WASHC5: variants seen among roughly 807,000 people sequenced by gnomAD.
WASHC5 encodes WASH complex subunit strumpellin.
Under a neutral mutation model 150.4 loss-of-function variants are expected in WASHC5, and 101 were observed. That is an observed-to-expected ratio of 0.67 (90% CI 0.57 to 0.79). WASHC5 has a LOEUF of 0.79. Among genes scored for constraint, WASHC5 ranks in the 30% least tolerant of loss-of-function variants. The probability of loss-of-function intolerance (pLI) is 0.00; values close to 1 mark genes in which losing one functional copy is unlikely to be tolerated. For missense variants in WASHC5, 1,195 were observed against 1,396.3 expected (o/e 0.86, Z 2.30); for synonymous variants, 467 against 491.2 (o/e 0.95, Z 0.65).
At chr8:125,072,836 G>T (rs919998212) in intron 9 of WASHC5, among the ~76,000 whole-genome samples, 4 of 152,078 alleles carry the variant, frequency 2.6e-5, no homozygotes, top group Non-Finnish European at 4.4e-5. Flanking sequence ...GCACTATTCT[G>T]CCTACCACAG....
rs1172804734 is a variant in WASHC5 at position 125,037,281 on chromosome 8, A to C, written c.3137T>G (p.Phe1046Cys). The change falls in exon 26 of 29, where the codon TTT becomes TGT. Residue 1046 changes from phenylalanine to cysteine, a missense_variant. Physicochemically the swap from Phe to Cys is radical, Grantham distance 205. Transcript: ENST00000318410. Reference sequence around the variant, plus strand: ...AAGTTTTGGCAACTGAGCGATCAAAAATAGAAAGTTTACAATTGGAAAATA... The same window carrying C: ...AAGTTTTGGCAACTGAGCGATCAAACATAGAAAGTTTACAATTGGAAAATA... ...LPYFPIVNFL[F>C]LIAQLPKLQY... 2 of 1,612,700 alleles carry C rather than the reference A, an allele frequency of 1.2e-6. No homozygotes were observed. Among genetic ancestry groups the C allele is most frequent in the Non-Finnish European group, 1.7e-6 (2 of 1,178,914 alleles).
chr8:125,057,394 G>A (rs981409976), intron 15 of WASHC5, among the ~76,000 whole-genome samples, 162 bp downstream of exon 15: 1 of 152,178 alleles, frequency 6.6e-6, no homozygotes, highest in Non-Finnish European at 1.5e-5. Flanking sequence ...ATCCACAGTA[G>A]CAATAAGGGT....
At chr8:125,056,413 T>C (rs1005193593) in intron 16 of WASHC5, among the ~76,000 whole-genome samples, 10 of 152,194 alleles carry the variant, frequency 6.6e-5, no homozygotes, top group Non-Finnish European at 4.4e-5. Context: ...TTAGCAAGAC[T>C]GTTATAGGAA....
chr8:125,056,892 C>T, intron 15 of WASHC5, 75 bp from the exon 16 acceptor site: 1 of 1,557,736 alleles, frequency 6.4e-7, no homozygotes, highest in Non-Finnish European at 8.9e-7. Context: ...ATTAGGATGC[C>T]TAATTTGTCT....
At chr8:125,044,425 G>A (rs1815994408) in intron 21 of WASHC5, 111 bp downstream of exon 21, 1 of 1,181,634 alleles carries the variant, frequency 8.5e-7, no homozygotes, top group Non-Finnish European at 1.3e-6. Context: ...CCTAAAGTCA[G>A]TGTAAGAAAT....
At chr8:125,050,451 A>G in intron 18 of WASHC5, 113 bp downstream of exon 18, 1 of 657,758 alleles carries the variant, frequency 1.5e-6, no homozygotes, top group Non-Finnish European at 2.8e-6. Context: ...CACATATTTG[A>G]TATACGTTAG....
rs780468544 is a variant in WASHC5, at chr8:125,047,282, T to A, written c.2429A>T (p.Lys810Met). 2 of 1,613,998 alleles carry A rather than the reference T, an allele frequency of 1.2e-6. No homozygotes were observed. The highest frequency in any genetic ancestry group is 1.6e-4 in the Middle Eastern group (1 of 6,062). The part of the protein sequence containing the change: ...MYQSTHIPIP[K>M]FTPVDESVTF... ...TACAGACTCATCCACAGGGGTAAAC[T>A]TGGGTATTGGAATATGAGTGGACTG... is the stretch of plus-strand genomic sequence containing the variant. Residue 810 changes from lysine (K) to methionine (M), a missense_variant, in exon 20 of 29, where the codon AAG (lysine) becomes ATG (methionine). Transcript: ENST00000318410.
intron 6 of WASHC5, among the ~76,000 whole-genome samples, chr8:125,077,635 T>C (rs921555248): frequency 2.9e-4 from 44 of 152,170 alleles, no homozygotes; most frequent in African/African-American, 1.0e-3. Flanking sequence ...ATGCTCTGAA[T>C]TGACACAGAC....
intron 12 of WASHC5, among the ~76,000 whole-genome samples, chr8:125,060,198 T>G (rs753738697): frequency 3.3e-5 from 5 of 152,152 alleles, no homozygotes; most frequent in Admixed American, 2.6e-4. Flanking sequence ...TTTTAAATAA[T>G]AGAGTTGGCC....
intron 6 of WASHC5, 148 bp downstream of exon 6, chr8:125,078,590 T>A (rs1433550211): frequency 3.1e-6 from 2 of 644,804 alleles, no homozygotes; most frequent in Non-Finnish European, 5.5e-6. Flanking sequence ...CTTTCCTTTA[T>A]CATCCTGGGG....
chr8:125,078,903 A>G lies in WASHC5; in HGVS notation c.546T>C (p.Asn182=). The part of the protein sequence containing the change: ...YSAARSSADS[N]MDDICKLLRS... ...GAAGCAGCTTACAAATATCGTCCAT[A>G]TTTGAATCAGCAGAAGATCGAGCAG... is the stretch of plus-strand genomic sequence containing the variant. The change falls in exon 6 of 29, where the codon AAT becomes AAC. Residue 182 remains asparagine (N), a synonymous_variant. Transcript: ENST00000318410. The G allele has an allele frequency of 1.9e-6, 3 of 1,613,894 alleles. No individual in the cohort carries two copies. Among genetic ancestry groups the G allele is most frequent in the Non-Finnish European group, 2.5e-6 (3 of 1,179,936 alleles).
At position 125,030,267 on chromosome 8, in the gene WASHC5, G is replaced by C. The variant is rs114833851; in HGVS notation, c.3336-1560C>G. On this transcript the variant is annotated intron_variant, in intron 27 of 28. Transcript: ENST00000318410. ...CCTTCCCCTCCTCTCTGGGAGCCTG[G>C]GCCAGAGGCGCTGGGTTTTTATGAG... is the stretch of plus-strand genomic sequence containing the variant. Among the ~76,000 whole-genome samples the C allele has an allele frequency of 2.4e-3, 367 of 152,244 alleles. 1 individual carries two copies. The highest frequency in any genetic ancestry group is 8.1e-3 in the African/African-American group (337 of 41,546).
At chr8:125,060,123 T>C (rs1271397505) in intron 12 of WASHC5, among the ~76,000 whole-genome samples, 2 of 152,196 alleles carry the variant, frequency 1.3e-5, no homozygotes, top group African/African-American at 4.8e-5. Context: ...CAGTATTAAT[T>C]ATATCTCTAA....
In WASHC5 at chr8:125,076,479, C is replaced by G. The variant is rs1182524560; in HGVS notation, c.733G>C (p.Glu245Gln). 1.2e-6 allele frequency: 2 copies of G among 1,613,934 alleles called. No individual in the cohort carries two copies. Among genetic ancestry groups the G allele is most frequent in the Admixed American group, 3.3e-5 (2 of 60,000 alleles). ...TTTGCCAGGGCTGTGCTGCGATGCTCCGGCAAAGGATACGCTGAGACCTGC... is the reference window on the plus strand; with the variant it reads ...TTTGCCAGGGCTGTGCTGCGATGCTGCGGCAAAGGATACGCTGAGACCTGC... Reference protein sequence around the residue: ...YNQVSAYPLPEHRSTALANQA... With the variant: ...YNQVSAYPLPQHRSTALANQA... Residue 245 changes from glutamate (E) to glutamine (Q), a missense_variant, in exon 7 of 29, where the codon GAG becomes CAG. Around this residue, in one of 3 missense-constraint regions of WASHC5, gnomAD observed 997 missense variants for 1,168.1 expected, o/e 0.85. Coordinates refer to ENST00000318410, the MANE Select transcript of WASHC5 (RefSeq NM_014846.4).
intron 2 of WASHC5, 81 bp from the exon 3 acceptor site, chr8:125,083,339 G>T: frequency 7.3e-7 from 1 of 1,362,794 alleles, no homozygotes; most frequent in Non-Finnish European, 1.0e-6. Context: ...TTAAAAATTT[G>T]TTCTTATGTT....
chr8:125,083,044 G>T, intron 3 of WASHC5, 69 bp downstream of exon 3: 1 of 1,012,842 alleles, frequency 9.9e-7, no homozygotes, highest in Non-Finnish European at 1.5e-6. Flanking sequence ...AGATTTACAC[G>T]TTGCTATGTG....
At chr8:125,047,687 C>G (rs896561854) in intron 19 of WASHC5, among the ~76,000 whole-genome samples, 1 of 152,358 alleles carries the variant, frequency 6.6e-6, no homozygotes, top group South Asian at 2.1e-4. Context: ...ATCCTCCCAC[C>G]TTGGCCTCCC....
intron 1 of WASHC5, among the ~76,000 whole-genome samples, chr8:125,089,345 T>A (rs954031550): frequency 6.6e-6 from 1 of 152,118 alleles, no homozygotes; most frequent in African/African-American, 2.4e-5. Context: ...GGAAGAAGAA[T>A]TGTCTTGAGC....
chr8:125,076,309 A>G (rs1326669291), intron 7 of WASHC5, 39 bp downstream of exon 7: 1 of 1,595,842 alleles, frequency 6.3e-7, no homozygotes, highest in Admixed American at 1.7e-5. Context: ...TAGTTCTCTA[A>G]CACATTTACT....
Sources: allele counts gnomAD v4.1 joint callset (sites outside exome capture counted in the v4.1 genomes callset), GRCh38; gene constraint gnomAD v4.1.1; regional missense constraint gnomAD v4.1.1; transcripts MANE v1.5; gene names NCBI Gene and HGNC (gene_info 2026-07-23, HGNC 2026-07-21).